PIWIL1: variants seen among roughly 807,000 people sequenced by gnomAD.
PIWIL1 encodes piwi-like protein 1.
PIWIL1 carries 73 observed loss-of-function variants against 114.4 expected under a neutral mutation model. That is an observed-to-expected ratio of 0.64 (90% CI 0.53 to 0.78). The LOEUF is 0.78. Among genes scored for constraint, PIWIL1 ranks in the 30% least tolerant of loss-of-function variants. The pLI, the probability that PIWIL1 is intolerant of heterozygous loss-of-function variation, is 0.00. For synonymous variants in PIWIL1, 375 were observed against 369.0 expected, an observed-to-expected ratio of 1.02 and a Z score of -0.19; for missense variants, 723 against 1,063.1, an observed-to-expected ratio of 0.68 and a Z score of 4.45.
the PIWIL1 span, among the ~76,000 whole-genome samples, chr12:130,410,109 A>G: frequency 7.2e-5 from 11 of 152,312 alleles, no homozygotes; most frequent in African/African-American, 2.6e-4. Context: ...TTGGTTTCTC[A>G]GGGTGGTTTT....
chr12:130,354,866 C>A, intron 10 of PIWIL1, 22 bp from the exon 11 acceptor site: 2 of 1,518,676 alleles, frequency 1.3e-6, no homozygotes, highest in African/African-American at 1.4e-5. Context: ...TAACCATATG[C>A]CTTTAAATGT....
the PIWIL1 span, among the ~76,000 whole-genome samples, chr12:130,403,750 A>G: frequency 1.6e-4 from 25 of 152,226 alleles, no homozygotes; most frequent in Admixed American, 5.2e-4. Context: ...AAGCTACAAC[A>G]AAGGTATTCC....
chr12:130,392,720 G>A, the PIWIL1 span, among the ~76,000 whole-genome samples: 2 of 149,096 alleles, frequency 1.3e-5, no homozygotes, highest in Admixed American at 6.7e-5. Context: ...TGATGACCCG[G>A]TCACCGTCAT....
chr12:130,376,478 G>A (rs537231075), downstream of PIWIL1, among the ~76,000 whole-genome samples: 21 of 152,190 alleles, frequency 1.4e-4, no homozygotes, highest in Non-Finnish European at 2.5e-4. Context: ...GATTTCCAGG[G>A]GCCTCCAGAC....
chr12:130,359,225 C>A (rs571836409), intron 14 of PIWIL1, among the ~76,000 whole-genome samples: 1 of 152,270 alleles, frequency 6.6e-6, no homozygotes, highest in Admixed American at 6.5e-5. Context: ...GACTCATTGT[C>A]AGGGAACTCC....
intron 4 of PIWIL1, 55 bp downstream of exon 4, chr12:130,345,933 T>C (rs962049117): frequency 6.3e-6 from 10 of 1,578,032 alleles, no homozygotes; most frequent in Non-Finnish European, 6.1e-6. Context: ...CACAGGACAG[T>C]GAATTGAGGC....
chr12:130,345,733 G>T lies in PIWIL1; in HGVS notation c.191-20G>T. Reference sequence around the variant, plus strand: ...TTATTTCGTGCTTTATGTTGCTCAAGTACACAATTTTTTTTTAAGGACTCC... The same window carrying T: ...TTATTTCGTGCTTTATGTTGCTCAATTACACAATTTTTTTTTAAGGACTCC... On this transcript the variant is annotated intron_variant, in intron 3 of 20. Transcript: ENST00000245255. 1.2e-6 allele frequency: 2 copies of T among 1,613,336 alleles called. No homozygotes were observed. The highest frequency in any genetic ancestry group is 1.1e-5 in the South Asian group (1 of 90,954).
At chr12:130,421,109 C>T in the PIWIL1 span, 3 of 152,124 alleles carry the variant, frequency 2.0e-5, no homozygotes, top group East Asian at 1.9e-4. Context: ...CAGGACATCT[C>T]GGACAGGTCA....
intron 14 of PIWIL1, 53 bp from the exon 15 acceptor site, chr12:130,361,126 TG>T (rs2073497414): frequency 6.5e-7 from 1 of 1,536,182 alleles, no homozygotes; most frequent in South Asian, 1.1e-5. Flanking sequence ...TCCTCTCCCT[TG>T]CTCTTAATCA....
rs773407922 is a variant in PIWIL1 at position 130,371,468 on chromosome 12, T to C, written c.2470-14T>C. On this transcript the variant is annotated splice_polypyrimidine_tract_variant and intron_variant, in intron 20 of 20. Transcript: ENST00000245255. ...AGTCTAGAGTAATAGAACCTTTTTT[T>C]CCTTCCACTAAAGGGTGTCATTCGT... The C allele has an allele frequency of 1.2e-6, 2 of 1,612,564 alleles. No homozygotes were observed. Among genetic ancestry groups the C allele is most frequent in the African/African-American group, 1.3e-5 (1 of 74,896 alleles).
rs763161039 is a variant in PIWIL1 at position 130,349,395 on chromosome 12, A to G, written c.891A>G (p.Glu297=). 8.1e-6 allele frequency: 13 copies of G among 1,613,306 alleles called. No individual in the cohort carries two copies. The African/African-American group carries it at 1.2e-4, about 15-fold the overall frequency. The change falls in exon 8 of 21, where the codon GAA becomes GAG. Residue 297 remains glutamate, a synonymous_variant. Transcript: ENST00000245255. ...AGACAGAAGAACATAAATTTCAAGA[A>G]CAAGTTTCCAAAGAACTAATAGGTT... is the stretch of plus-strand genomic sequence containing the variant. The part of the protein sequence containing the change: ...YHQTEEHKFQ[E]QVSKELIGLV...
Position 130,356,980 on chromosome 12 carries a change from T to G in PIWIL1, c.1467T>G (p.Ser489Arg). The G allele has an allele frequency of 1.2e-6, 2 of 1,613,726 alleles. No homozygotes were observed. Among genetic ancestry groups the G allele is most frequent in the Non-Finnish European group, 1.7e-6 (2 of 1,179,770 alleles). The change falls in exon 13 of 21, where the codon AGT becomes AGG. Residue 489 changes from serine to arginine, a missense_variant. This residue lies in a region of PIWIL1 where 298 missense variants were observed against 420.8 expected (regional missense o/e 0.71). Coordinates refer to ENST00000245255, the MANE Select transcript of PIWIL1 (RefSeq NM_004764.5). ...SKETRGAPLI[S>R]VKPLDNWLLI... is the part of the protein sequence containing the mutation. The stretch of plus-strand genomic sequence containing the variant: ...AAACAAGAGGTGCACCATTAATTAG[T>G]GTTAAGCCACTAGATAACTGGCTGT...
At chr12:130,425,532 T>C in the PIWIL1 span, 1 of 152,492 alleles carries the variant, frequency 6.6e-6, no homozygotes, top group Non-Finnish European at 1.5e-5. Context: ...GCATCCTGCA[T>C]CAAGTCCCTG....
At chr12:130,376,146 T>C (rs930361581), downstream of PIWIL1, among the ~76,000 whole-genome samples, 21 of 152,188 alleles carry the variant, frequency 1.4e-4, no homozygotes, top group African/African-American at 4.8e-4. Flanking sequence ...ATCAGCTGTC[T>C]CCTAGACGTC....
chr12:130,423,934 A>G, the PIWIL1 span, among the ~76,000 whole-genome samples: 1 of 152,156 alleles, frequency 6.6e-6, no homozygotes, highest in East Asian at 1.9e-4. Context: ...GGTGGAAATC[A>G]TTACTCTAAG....
At chr12:130,406,054 C>T in the PIWIL1 span, 1 of 660,972 alleles carries the variant, frequency 1.5e-6, no homozygotes, top group Non-Finnish European at 2.7e-6. Flanking sequence ...AAGCTATCAG[C>T]AGGCGTATGA....
Position 130,361,214 on chromosome 12 carries a change from A to G in PIWIL1, c.1700A>G (p.Lys567Arg), listed in dbSNP as rs1182822759. The G allele has an allele frequency of 1.2e-6, 2 of 1,614,032 alleles. No individual in the cohort carries two copies. The highest frequency in any genetic ancestry group is 1.7e-6 in the Non-Finnish European group (2 of 1,180,030). ...CTGTTGTCAAGTAATCGGAAGGACA[A>G]ATACGATGCTATTAAAAAATACCTG... ...VCLLSSNRKD[K>R]YDAIKKYLCT... The change falls in exon 15 of 21, where the codon AAA (lysine) becomes AGA (arginine). Residue 567 changes from lysine to arginine, a missense_variant. Lys to Arg is a conservative substitution (Grantham distance 26). Coordinates refer to ENST00000245255, the MANE Select transcript of PIWIL1 (RefSeq NM_004764.5).
chr12:130,407,940 C>T, the PIWIL1 span: 5 of 905,684 alleles, frequency 5.5e-6, no homozygotes, highest in Non-Finnish European at 7.3e-6. Context: ...CCTGGCACTG[C>T]TAACAGGGCC....
At chr12:130,399,564 C>G in the PIWIL1 span, 1 of 1,219,932 alleles carries the variant, frequency 8.2e-7, no homozygotes, top group Non-Finnish European at 1.1e-6. Context: ...AAAAAAAATT[C>G]AGGGTGTATT....
Sources: allele counts gnomAD v4.1 joint callset (sites outside exome capture counted in the v4.1 genomes callset), GRCh38; gene constraint gnomAD v4.1.1; regional missense constraint gnomAD v4.1.1; transcripts MANE v1.5; gene names NCBI Gene and HGNC (gene_info 2026-07-23, HGNC 2026-07-21).